TPM4: variants seen among roughly 807,000 people sequenced by gnomAD.
TPM4 encodes the protein tropomyosin alpha-4 chain.
TPM4 carries 17 observed loss-of-function variants against 35.8 expected under a neutral mutation model. That is an observed-to-expected ratio of 0.47 (90% CI 0.32 to 0.71). The LOEUF (loss-of-function observed/expected upper bound fraction) is 0.71. TPM4 is among the 30% of genes least tolerant of loss of function. TPM4 has a pLI of 0.03. For missense variants in TPM4, 240 were observed against 320.9 expected, an observed-to-expected ratio of 0.75 and a Z score of 1.93; for synonymous variants, 120 against 122.9, an observed-to-expected ratio of 0.98 and a Z score of 0.15.
upstream of TPM4, chr19:16,075,925 A>T: frequency 7.3e-7 from 1 of 1,378,954 alleles, no homozygotes; most frequent in Non-Finnish European, 9.7e-7. Context: ...TTCTACAGAT[A>T]AGGAAACTGA....
At chr19:16,076,327 T>C, upstream of TPM4, 1 of 1,497,206 alleles carries the variant, frequency 6.7e-7, no homozygotes, top group South Asian at 1.3e-5. Context: ...AGGGGCACTT[T>C]CCAGCAGCTG....
chr19:16,093,779 G>A, intron 7 of TPM4, 26 bp downstream of exon 7: 1 of 1,611,204 alleles, frequency 6.2e-7, no homozygotes, highest in African/African-American at 1.3e-5. Context: ...CTAAATGTTT[G>A]CCTTGCCCTG....
upstream of TPM4, chr19:16,074,557 G>C (rs11672327): frequency 0.16 from 24,723 of 152,226 alleles, 2,099 homozygotes; most frequent in Non-Finnish European, 0.19. Flanking sequence ...CCATCACATG[G>C]AGATGAGGGC....
intron 1 of TPM4, chr19:16,080,128 C>T (rs758603860): frequency 5.1e-6 from 1 of 196,762 alleles, no homozygotes; most frequent in Non-Finnish European, 1.1e-5. Flanking sequence ...ATATTCCTTC[C>T]AAAGAGCAGG....
At chr19:16,083,607 A>C (rs562791406) in intron 2 of TPM4, among the ~76,000 whole-genome samples, 2 of 145,918 alleles carry the variant, frequency 1.4e-5, no homozygotes, top group Admixed American at 6.7e-5. Context: ...CAGAAGCAGC[A>C]GTCTGTGTGT....
chr19:16,090,707 T>C (rs965317812), intron 5 of TPM4, among the ~76,000 whole-genome samples: 31 of 152,212 alleles, frequency 2.0e-4, no homozygotes, highest in African/African-American at 7.0e-4. Context: ...CTCCATTAAT[T>C]GCATGCCTTC....
intron 1 of TPM4, chr19:16,076,909 G>T: frequency 9.0e-7 from 1 of 1,107,048 alleles, no homozygotes; most frequent in Non-Finnish European, 1.1e-6. Context: ...GACAGGGGAG[G>T]GGGCGCCGCC....
In TPM4 at chr19:16,101,762, G is replaced by A. The variant is rs185969469; in HGVS notation, c.*416G>A. On this transcript the variant is annotated 3_prime_UTR_variant, in exon 8 of 8. Coordinates refer to ENST00000643579, the MANE Select transcript of TPM4 (RefSeq NM_003290.3). ...ACCATAACCTTTTGGGTCAACTGTT[G>A]GTCAAACTATAGGAGAGACCAGGGA... The A allele has an allele frequency of 2.4e-3, 564 of 235,942 alleles. No individual in the cohort carries two copies. The highest frequency in any genetic ancestry group is 9.4e-3 in the Middle Eastern group (7 of 746). The allele number at this position is 235,942 out of a possible 1,614,324, so 14.6% of individuals were successfully genotyped here.
upstream of TPM4, chr19:16,076,095 G>C: frequency 3.7e-6 from 6 of 1,605,504 alleles, no homozygotes; most frequent in Non-Finnish European, 5.1e-6. Context: ...AGGGACAGAG[G>C]ACGAGCTGGA....
upstream of TPM4, among the ~76,000 whole-genome samples, chr19:16,073,960 A>AC (rs1488280207): frequency 4.0e-4 from 42 of 105,936 alleles, no homozygotes; most frequent in African/African-American, 1.4e-3. Flanking sequence ...AAAAAAAAAA[A>AC]CGCAAAAAAA....
chr19:16,092,186 A>T (rs974557370), intron 5 of TPM4, among the ~76,000 whole-genome samples: 1 of 151,938 alleles, frequency 6.6e-6, no homozygotes, highest in Admixed American at 6.6e-5. Flanking sequence ...TGAAAAAAAA[A>T]AAAAAGAAAA....
intron 1 of TPM4, chr19:16,081,039 GA>G (rs2090476367): frequency 2.5e-6 from 1 of 398,454 alleles, no homozygotes; most frequent in Non-Finnish European, 4.4e-6. Flanking sequence ...TTGAAGGATG[GA>G]ATTCCAACGA....
intron 5 of TPM4, 85 bp downstream of exon 5, chr19:16,089,205 T>C (rs1036218584): frequency 1.9e-6 from 3 of 1,559,454 alleles, no homozygotes; most frequent in Non-Finnish European, 8.8e-7. Context: ...TGTCAGGTTA[T>C]GGGGAATCTG....
chr19:16,088,922 C>T lies in TPM4; in HGVS notation c.456-123C>T, dbSNP rs539884834. 3.5e-5 allele frequency: 54 copies of T among 1,522,078 alleles called. 2 individuals are homozygous for T. Among genetic ancestry groups the T allele is most frequent in the South Asian group, 3.0e-4 (24 of 78,952 alleles). 94.3% of individuals were successfully genotyped at this position (1,522,078 alleles called of 1,614,324 possible). ...CCATTAACATTTTCTCCCCACATTCCTTCTGCCCCCCACCGGGGGAGCTGT... is the reference window on the plus strand; with the variant it reads ...CCATTAACATTTTCTCCCCACATTCTTTCTGCCCCCCACCGGGGGAGCTGT... On this transcript the variant is annotated intron_variant, in intron 4 of 7. Transcript: ENST00000643579.
intron 1 of TPM4, chr19:16,078,295 TA>T: frequency 2.5e-6 from 1 of 393,130 alleles, no homozygotes; most frequent in Non-Finnish European, 4.5e-6. Context: ...AAGAAAGTTG[TA>T]TGATGAGGGT....
intron 5 of TPM4, among the ~76,000 whole-genome samples, chr19:16,089,668 C>CTTTTTT (rs35056151): frequency 1.9e-4 from 24 of 129,522 alleles, no homozygotes; most frequent in African/African-American, 6.8e-4. Flanking sequence ...CCACCCCCCA[C>CTTTTTT]TTTTTTTTTT....
chr19:16,083,650 G>GA (rs200512002), intron 2 of TPM4, among the ~76,000 whole-genome samples: 4,353 of 152,146 alleles, frequency 0.029, 183 homozygotes, highest in African/African-American at 0.091. Context: ...TGGCAATGGT[G>GA]TGGGCCCGAC....
At chr19:16,076,433 G>GGGCGGGGAGA (rs2090406327), upstream of TPM4, 1 of 1,348,392 alleles carries the variant, frequency 7.4e-7, no homozygotes, top group African/African-American at 1.6e-5. Flanking sequence ...CCGGCCCGGG[G>GGGCGGGGAGA]GGCGGGGAGA....
chr19:16,097,131 T>C (rs2090710671), intron 7 of TPM4, among the ~76,000 whole-genome samples: 1 of 151,516 alleles, frequency 6.6e-6, no homozygotes, highest in Non-Finnish European at 1.5e-5. Flanking sequence ...TTTTTGTACT[T>C]TCAGTAGAGA....
Sources: allele counts gnomAD v4.1 joint callset (sites outside exome capture counted in the v4.1 genomes callset), GRCh38; gene constraint gnomAD v4.1.1; transcripts MANE v1.5; gene names NCBI Gene and HGNC (gene_info 2026-07-23, HGNC 2026-07-21).